MX2: variants seen among roughly 807,000 people sequenced by gnomAD.
The protein encoded by MX2 is interferon-induced GTP-binding protein Mx2.
A neutral mutation model predicts 74.0 loss-of-function variants in MX2; 51 were observed. That is an observed-to-expected ratio of 0.69 (90% CI 0.55 to 0.87). The LOEUF (loss-of-function observed/expected upper bound fraction) is 0.87, where lower values mean the gene tolerates loss of function less well. Among genes scored for constraint, MX2 ranks in the 40% least tolerant of loss-of-function variants. The pLI is 0.00. For missense variants in MX2, 832 were observed against 908.7 expected (o/e 0.92, Z 1.09); for synonymous variants, 369 against 339.3 (o/e 1.09, Z -0.96).
intron 3 of MX2, among the ~76,000 whole-genome samples, 155 bp from the exon 4 acceptor site, chr21:41,379,862 T>A (rs1158413395): frequency 6.6e-6 from 1 of 152,138 alleles, no homozygotes; most frequent in Non-Finnish European, 1.5e-5. Context: ...TTGCATCTGC[T>A]CAGTCCAGAC....
chr21:41,390,503 G>C, intron 5 of MX2, 62 bp from the exon 6 acceptor site: 2 of 1,605,068 alleles, frequency 1.2e-6, no homozygotes, highest in African/African-American at 2.7e-5. Flanking sequence ...CTGCCTGGCC[G>C]TGCTGCTGAG....
At chr21:41,403,710 T>C (rs1222040529) in intron 12 of MX2, 1 of 486,024 alleles carries the variant, frequency 2.1e-6, no homozygotes, top group Non-Finnish European at 4.2e-6. Flanking sequence ...TATGTTTGAC[T>C]CAAAGATGTT....
intron 1 of MX2, among the ~76,000 whole-genome samples, chr21:41,373,573 C>T (rs962173013): frequency 5.3e-5 from 8 of 152,166 alleles, no homozygotes; most frequent in Non-Finnish European, 1.2e-4. Context: ...CTCTCCCCAA[C>T]TCCCCTCTGC....
intron 11 of MX2, 80 bp from the exon 12 acceptor site, chr21:41,403,187 T>C: frequency 8.5e-7 from 1 of 1,172,650 alleles, no homozygotes; most frequent in Non-Finnish European, 1.3e-6. Flanking sequence ...TCATCCTCCC[T>C]GTGTCTTTAA....
At position 41,363,008 on chromosome 21, in the gene MX2, C is replaced by T. The variant is rs1375870782; in HGVS notation, c.-72+953C>T. ...TCACTGGCTCAAGAAGTCCTTACGCCTCAACCTCCCAAAGCACTGGGATTA... is the reference window on the plus strand; with the variant it reads ...TCACTGGCTCAAGAAGTCCTTACGCTTCAACCTCCCAAAGCACTGGGATTA... On this transcript the variant is annotated intron_variant, in intron 1 of 13. Transcript: ENST00000330714. The surrounding 1 kb of genome is among the most constrained non-coding windows in gnomAD (Gnocchi z 4.2). 6.6e-6 allele frequency among the ~76,000 whole-genome samples: 1 copy of T among 152,096 alleles called. No homozygotes were observed. The highest frequency in any genetic ancestry group is 2.4e-5 in the African/African-American group (1 of 41,416).
At chr21:41,369,048 C>A (rs2089292881) in intron 1 of MX2, among the ~76,000 whole-genome samples, 1 of 152,232 alleles carries the variant, frequency 6.6e-6, no homozygotes, top group South Asian at 2.1e-4. Context: ...TTTGTGCCAA[C>A]TTTAGATGGA....
At position 41,377,980 on chromosome 21, in the gene MX2, C is replaced by T. The variant is rs780402246; in HGVS notation, c.441C>T (p.Ser147=). 3.4e-5 allele frequency: 55 copies of T among 1,612,062 alleles called. 1 individual carries two copies. The highest frequency in any genetic ancestry group is 1.3e-4 in the South Asian group (12 of 91,034). Residue 147 remains serine, a splice_region_variant and synonymous_variant, in exon 3 of 14, where the codon AGC becomes AGT. Transcript: ENST00000330714. ...CAGGAGTCGCGCTTCCCAGAGGCAGCGGTAAGTTCAACGGACCACCTTCCC... is the reference window on the plus strand; with the variant it reads ...CAGGAGTCGCGCTTCCCAGAGGCAGTGGTAAGTTCAACGGACCACCTTCCC... ...ALSGVALPRG[S]GIVTRCPLVL... is the part of the protein sequence containing the mutation.
chr21:41,399,441 C>A, intron 10 of MX2, 104 bp downstream of exon 10: 1 of 1,239,466 alleles, frequency 8.1e-7, no homozygotes, highest in Non-Finnish European at 1.1e-6. Context: ...CACGTCCATC[C>A]AAGACCGTGG....
chr21:41,403,352 C>T lies in MX2; in HGVS notation c.1650+9C>T. 1 of 1,607,760 alleles carries T rather than the reference C, an allele frequency of 6.2e-7. No homozygotes were observed. Among genetic ancestry groups the T allele is most frequent in the Non-Finnish European group, 8.5e-7 (1 of 1,174,426 alleles). Reference sequence around the variant, plus strand: ...TTAACCAAACTGTTCAGGTAAGCACCCAGAGTTCACTTGCTAGTCACCTGG... The same window carrying T: ...TTAACCAAACTGTTCAGGTAAGCACTCAGAGTTCACTTGCTAGTCACCTGG... On this transcript the variant is annotated intron_variant, in intron 12 of 13. Coordinates refer to ENST00000330714, the MANE Select transcript of MX2 (RefSeq NM_002463.2).
intron 1 of MX2, among the ~76,000 whole-genome samples, chr21:41,369,560 G>A (rs2089297372): frequency 6.6e-6 from 1 of 152,172 alleles, no homozygotes; most frequent in South Asian, 2.1e-4. Flanking sequence ...TGTCCCAAGG[G>A]AGGAAAGCCG....
intron 1 of MX2, among the ~76,000 whole-genome samples, chr21:41,371,184 G>C (rs9978993): frequency 0.014 from 2,080 of 152,290 alleles, 25 homozygotes; most frequent in South Asian, 0.074. Context: ...ATCATTATCT[G>C]GTCTCGTCAT....
In MX2 at chr21:41,368,521, C is replaced by T. The variant is rs1278827782; in HGVS notation, c.-72+6466C>T. Among the ~76,000 whole-genome samples the T allele has an allele frequency of 6.6e-6, 1 of 152,222 alleles. No individual in the cohort carries two copies. The highest frequency in any genetic ancestry group is 1.5e-5 in the Non-Finnish European group (1 of 68,044). On this transcript the variant is annotated intron_variant, in intron 1 of 13. Transcript: ENST00000330714. This position sits in a 1 kb window ranked among gnomAD's most constrained non-coding sequence, Gnocchi z 4.6. ...CTCACTCCTGCCTCCGACCTTCACACATGTTCACCCCTGCAACTTTTCACC... is the reference window on the plus strand; with the variant it reads ...CTCACTCCTGCCTCCGACCTTCACATATGTTCACCCCTGCAACTTTTCACC...
At chr21:41,369,190 G>A (rs188608211) in intron 1 of MX2, among the ~76,000 whole-genome samples, 16 of 152,264 alleles carry the variant, frequency 1.1e-4, no homozygotes, top group Admixed American at 7.2e-4. Context: ...ATGGGAGGAG[G>A]GGGGTGCAGG....
chr21:41,404,712 C>T (rs558368802), intron 12 of MX2: 1 of 152,198 alleles, frequency 6.6e-6, no homozygotes, highest in South Asian at 2.1e-4. Flanking sequence ...ATCATGCATT[C>T]ATCTCGCGCT....
intron 6 of MX2, 52 bp from the exon 7 acceptor site, chr21:41,395,535 T>A: frequency 6.3e-7 from 1 of 1,581,980 alleles, no homozygotes; most frequent in Non-Finnish European, 8.7e-7. Context: ...GAGTCAAACC[T>A]GTTTGAGGGG....
chr21:41,378,899 G>A (rs962804449), intron 3 of MX2, among the ~76,000 whole-genome samples: 4 of 152,156 alleles, frequency 2.6e-5, no homozygotes, highest in Admixed American at 1.3e-4. Context: ...TCCTGCCACT[G>A]CTGCTTACTT....
At chr21:41,397,146 G>A (rs140436672) in intron 7 of MX2, among the ~76,000 whole-genome samples, 4 of 152,318 alleles carry the variant, frequency 2.6e-5, no homozygotes, top group South Asian at 2.1e-4. Context: ...GCTGCCTGCT[G>A]TGTGGCTGCA....
At chr21:41,395,901 T>A in intron 7 of MX2, 116 bp downstream of exon 7, 1 of 948,656 alleles carries the variant, frequency 1.1e-6, no homozygotes, top group Non-Finnish European at 1.6e-6. Context: ...TAGTATAACC[T>A]AGCCTCACCT....
chr21:41,386,177 G>T (rs752989638), intron 5 of MX2, among the ~76,000 whole-genome samples: 1 of 116,010 alleles, frequency 8.6e-6, no homozygotes, highest in Non-Finnish European at 1.6e-5. Flanking sequence ...CTGAGATCAC[G>T]CCACTGCACT....
Sources: allele counts gnomAD v4.1 joint callset (sites outside exome capture counted in the v4.1 genomes callset), GRCh38; gene constraint gnomAD v4.1.1; non-coding constraint Gnocchi (gnomAD v3.1); transcripts MANE v1.5; gene names NCBI Gene and HGNC (gene_info 2026-07-23, HGNC 2026-07-21).